The following ASIC2 variants were observed in gnomAD, a reference collection of about 807,000 sequenced individuals.
ASIC2 encodes acid-sensing ion channel 2.
Under a neutral mutation model 57.3 loss-of-function variants are expected in ASIC2, and 25 were observed. The ratio of observed to expected loss-of-function variants is 0.44; its 90% confidence interval spans 0.32 to 0.61. ASIC2 has a LOEUF of 0.61. Among genes scored for constraint, ASIC2 ranks in the 20% least tolerant of loss-of-function variants. The probability of loss-of-function intolerance (pLI) is 0.06; values close to 1 mark genes in which losing one functional copy is unlikely to be tolerated. For missense variants in ASIC2, 641 were observed against 738.1 expected, an observed-to-expected ratio of 0.87 and a Z score of 1.52; for synonymous variants, 319 against 307.5, an observed-to-expected ratio of 1.04 and a Z score of -0.39.
chr17:33,205,070 G>A (rs1567783650), intron 1 of ASIC2, among the ~76,000 whole-genome samples: 1 of 152,224 alleles, frequency 6.6e-6, no homozygotes, highest in Non-Finnish European at 1.5e-5. Context: ...CACCGATACA[G>A]AGCCTTTTGT....
rs529733091 is a variant in ASIC2, at chr17:33,312,476, G to A, written c.556-200409C>T. Among the ~76,000 whole-genome samples the A allele has an allele frequency of 2.0e-5, 3 of 152,206 alleles. No homozygotes were observed. The South Asian group carries it at 6.2e-4, about 32-fold the overall frequency. On this transcript the variant is annotated intron_variant, in intron 1 of 9. Coordinates refer to the ASIC2 transcript ENST00000359872. ...GGAACCCACCCTTAGAGCCAATATG[G>A]CAGACATCAGAGAGGACCCAGATGC...
intron 1 of ASIC2, among the ~76,000 whole-genome samples, chr17:33,173,424 G>A (rs536161773): frequency 3.3e-5 from 5 of 152,178 alleles, no homozygotes; most frequent in Non-Finnish European, 5.9e-5. Flanking sequence ...CTGCTGAAGA[G>A]GCTGAAGGCG....
At chr17:33,558,511 T>C (rs1285754682) in intron 1 of ASIC2, among the ~76,000 whole-genome samples, 1 of 152,224 alleles carries the variant, frequency 6.6e-6, no homozygotes, top group Admixed American at 6.5e-5. Context: ...ATTTCAAAAA[T>C]TCCCAGTGAA....
chr17:33,506,132 C>T (rs1041719318), intron 1 of ASIC2, among the ~76,000 whole-genome samples: 35 of 151,498 alleles, frequency 2.3e-4, no homozygotes, highest in Admixed American at 1.7e-3. Flanking sequence ...TGGTGGCTCA[C>T]GCCTGTAATC....
At chr17:34,044,305 GC>G (rs1324485065) in intron 1 of ASIC2, among the ~76,000 whole-genome samples, 1 of 152,136 alleles carries the variant, frequency 6.6e-6, no homozygotes, top group Non-Finnish European at 1.5e-5. Flanking sequence ...TTCCAGATGG[GC>G]CCCAGAGCAT....
At chr17:33,483,556 CG>C (rs1429952563) in intron 1 of ASIC2, among the ~76,000 whole-genome samples, 14 of 152,206 alleles carry the variant, frequency 9.2e-5, no homozygotes, top group Non-Finnish European at 1.6e-4. Flanking sequence ...AGCTCATACA[CG>C]TTACTAAACC....
rs556338729 is a variant in ASIC2 at position 34,030,882 on chromosome 17, G to A, written c.555+125096C>T. Among the ~76,000 whole-genome samples, 213 of 152,388 alleles carry A rather than the reference G, an allele frequency of 1.4e-3. 1 individual carries two copies. Among genetic ancestry groups the A allele is most frequent in the African/African-American group, 5.0e-3 (208 of 41,604 alleles). On this transcript the variant is annotated intron_variant, in intron 1 of 9. Coordinates refer to the ASIC2 transcript ENST00000359872. ...GGCCAGGAAGCTCGAACTGGGTGGA[G>A]CCCACCACAGCTCAAGGAGGCCTGC...
At chr17:33,256,184 G>A (rs993495234) in intron 1 of ASIC2, among the ~76,000 whole-genome samples, 1 of 152,054 alleles carries the variant, frequency 6.6e-6, no homozygotes, top group African/African-American at 2.4e-5. Context: ...ACCACCAAAG[G>A]GTCTGGCCAC....
chr17:33,942,275 T>C (rs1212149520), intron 1 of ASIC2, among the ~76,000 whole-genome samples: 1 of 152,176 alleles, frequency 6.6e-6, no homozygotes, highest in Non-Finnish European at 1.5e-5. Flanking sequence ...GCATCACTAT[T>C]CACCTCCTTC....
intron 1 of ASIC2, among the ~76,000 whole-genome samples, chr17:33,220,727 C>T (rs1419695301): frequency 6.6e-6 from 1 of 152,104 alleles, no homozygotes; most frequent in Non-Finnish European, 1.5e-5. Context: ...TTCTAGTACT[C>T]TCCTCTGTAG....
At position 33,765,113 on chromosome 17, in the gene ASIC2, G is replaced by T. The variant is rs201783304; in HGVS notation, c.555+390865C>A. Among the ~76,000 whole-genome samples, 192 of 148,384 alleles carry T rather than the reference G, an allele frequency of 1.3e-3. 5 individuals are homozygous for T. The East Asian group carries it at 0.034, about 27-fold the overall frequency. On this transcript the variant is annotated intron_variant, in intron 1 of 9. Transcript: ENST00000359872. Reference sequence around the variant, plus strand: ...ACTTGATGGAGCATAATTGTTTTTTGTTTTTTTTTTGAGACGGAGTCTCGC... The same window carrying T: ...ACTTGATGGAGCATAATTGTTTTTTTTTTTTTTTTTGAGACGGAGTCTCGC...
chr17:33,401,050 T>G (rs554774753), intron 1 of ASIC2, among the ~76,000 whole-genome samples: 1 of 152,046 alleles, frequency 6.6e-6, no homozygotes, highest in African/African-American at 2.4e-5. Context: ...TGACAGAGAG[T>G]TGGCCATGTG....
chr17:33,309,437 T>C (rs1373148217), intron 1 of ASIC2, among the ~76,000 whole-genome samples: 3 of 152,090 alleles, frequency 2.0e-5, no homozygotes, highest in African/African-American at 7.2e-5. Context: ...CAAGGGAGGT[T>C]CCTACAAAAC....
intron 1 of ASIC2, among the ~76,000 whole-genome samples, chr17:33,802,351 A>G (rs1359167114): frequency 6.6e-6 from 1 of 152,228 alleles, no homozygotes; most frequent in Non-Finnish European, 1.5e-5. Context: ...CTCTATGATA[A>G]TTACACAGTG....
At chr17:34,028,038 G>A (rs111629662) in intron 1 of ASIC2, among the ~76,000 whole-genome samples, 1,689 of 152,334 alleles carry the variant, frequency 0.011, 13 homozygotes, top group Non-Finnish European at 0.016. Flanking sequence ...TGAGGAAAAT[G>A]AGGTTCAGAG....
chr17:33,342,000 C>T (rs946619193), intron 1 of ASIC2, among the ~76,000 whole-genome samples: 1 of 152,232 alleles, frequency 6.6e-6, no homozygotes. Flanking sequence ...AGAGGGAAGT[C>T]GCATCAAGAA....
At chr17:33,410,048 G>A (rs1910602778) in intron 1 of ASIC2, among the ~76,000 whole-genome samples, 2 of 152,284 alleles carry the variant, frequency 1.3e-5, no homozygotes, top group East Asian at 1.9e-4. Context: ...ACACCATTGA[G>A]GATGTATGGA....
intron 1 of ASIC2, among the ~76,000 whole-genome samples, chr17:33,323,675 C>A (rs1029627736): frequency 2.4e-4 from 36 of 152,204 alleles, no homozygotes; most frequent in Admixed American, 1.5e-3. Context: ...GATTGTGCCA[C>A]TGCACTCCAG....
intron 1 of ASIC2, among the ~76,000 whole-genome samples, chr17:34,080,134 A>C (rs1909823273): frequency 6.6e-6 from 1 of 152,230 alleles, no homozygotes; most frequent in African/African-American, 2.4e-5. Context: ...GTAATATGCA[A>C]AGATAGTTTC....
Sources: allele counts gnomAD v4.1 joint callset (sites outside exome capture counted in the v4.1 genomes callset), GRCh38; gene constraint gnomAD v4.1.1; transcripts MANE v1.5; gene names NCBI Gene and HGNC (gene_info 2026-07-23, HGNC 2026-07-21).